The following ABCB7 variants were observed in gnomAD, a reference collection of about 807,000 sequenced individuals.
ABCB7 encodes ATP binding cassette subfamily B member 7.
Under a neutral mutation model 54.4 loss-of-function variants are expected in ABCB7, and 7 were observed. That is an observed-to-expected ratio of 0.13 (90% CI 0.07 to 0.24). The LOEUF (loss-of-function observed/expected upper bound fraction) is 0.24. Ranked by LOEUF, ABCB7 falls within the 10% of genes least tolerant of loss-of-function variation. The pLI, the probability that ABCB7 is intolerant of heterozygous loss-of-function variation, is 1.00. For synonymous variants in ABCB7, 218 were observed against 207.1 expected (o/e 1.05, Z -0.45); for missense variants, 356 against 570.4 (o/e 0.62, Z 3.83).
chrX:75,155,800 C>A (rs2082170730), intron 1 of ABCB7, among the ~76,000 whole-genome samples: 1 of 111,127 alleles, frequency 9.0e-6, no homozygotes, highest in Admixed American at 9.5e-5. Flanking sequence ...GAAAGGCAAG[C>A]AGGCTGGGAA....
At chrX:75,141,219 A>G (rs2082050768) in intron 1 of ABCB7, among the ~76,000 whole-genome samples, 1 of 112,042 alleles carries the variant, frequency 8.9e-6, no homozygotes, top group Non-Finnish European at 1.9e-5. Flanking sequence ...AGAATAGACA[A>G]TAATTGGGCT....
Position 75,086,072 on chromosome X carries a change from C to T in ABCB7, c.454-9418G>A, listed in dbSNP as rs763970056. On this transcript the variant is annotated intron_variant, in intron 4 of 15. Coordinates refer to ENST00000373394, the MANE Select transcript of ABCB7 (RefSeq NM_001271696.3). ...ATGTTGGCCAGGAAGGTCTCAAACT[C>T]CTGGCCTCAAGTGATCTGCCTGCCT... is the stretch of plus-strand genomic sequence containing the variant. Among the ~76,000 whole-genome samples the T allele has an allele frequency of 1.4e-4, 15 of 110,659 alleles. No homozygotes were observed. In the South Asian group the frequency reaches 5.9e-3, roughly 43 times the overall value.
chrX:75,094,597 CA>C (rs2081575351), intron 4 of ABCB7, among the ~76,000 whole-genome samples: 1 of 110,910 alleles, frequency 9.0e-6, no homozygotes, highest in Non-Finnish European at 1.9e-5. Flanking sequence ...CCTGTAATCC[CA>C]GCTACTCAGG....
chrX:75,141,251 C>T (rs139812516), intron 1 of ABCB7, among the ~76,000 whole-genome samples: 1,991 of 111,438 alleles, frequency 0.018, 47 homozygotes, highest in African/African-American at 0.061. Context: ...TTTACTGTAA[C>T]GTATTTCAGC....
chrX:75,135,372 C>A (rs1212143234), intron 1 of ABCB7, among the ~76,000 whole-genome samples: 1 of 111,188 alleles, frequency 9.0e-6, no homozygotes, highest in Non-Finnish European at 1.9e-5. Flanking sequence ...CAGACAGATT[C>A]ACAGCCAAAT....
At chrX:75,076,493 C>T (rs1358352787) in intron 5 of ABCB7, 29 bp downstream of exon 5, 4 of 1,206,472 alleles carry the variant, frequency 3.3e-6, no homozygotes, top group Admixed American at 2.2e-5. Context: ...AAGTCAACAC[C>T]TGTAGACAGA....
At chrX:75,130,360 A>G (rs1327398587) in intron 1 of ABCB7, among the ~76,000 whole-genome samples, 1 of 112,271 alleles carries the variant, frequency 8.9e-6, no homozygotes, top group Non-Finnish European at 1.9e-5. Flanking sequence ...AGAACTCTGG[A>G]ATCTAATGAA....
chrX:75,124,045 C>G (rs971930182), intron 1 of ABCB7, among the ~76,000 whole-genome samples: 4 of 112,269 alleles, frequency 3.6e-5, no homozygotes, highest in African/African-American at 1.3e-4. Context: ...ATTCTTAGCA[C>G]AGGAGCCTTG....
In ABCB7 at chrX:75,134,844, T is replaced by TA. The variant is rs763327874; in HGVS notation, c.169-20014dup. On this transcript the variant is annotated intron_variant, in intron 1 of 15. Transcript: ENST00000373394. ...CTAACGCAGTGTTATGATGAAAACT[T>TA]AGAGTGCTAAATGCCCACATCAAAA... is the stretch of plus-strand genomic sequence containing the variant. Among the ~76,000 whole-genome samples, 13 of 111,639 alleles carry TA rather than the reference T, an allele frequency of 1.2e-4. No homozygotes were observed. The East Asian group carries it at 3.1e-3, about 27-fold the overall frequency.
intron 3 of ABCB7, among the ~76,000 whole-genome samples, chrX:75,106,567 G>T (rs1052040978): frequency 8.9e-6 from 1 of 111,808 alleles, no homozygotes; most frequent in African/African-American, 3.3e-5. Context: ...TAGTACAACC[G>T]CTATGGAAAA....
At chrX:75,137,756 A>G (rs2082020880) in intron 1 of ABCB7, among the ~76,000 whole-genome samples, 1 of 112,134 alleles carries the variant, frequency 8.9e-6, no homozygotes, top group African/African-American at 3.2e-5. Context: ...CATTATCCTA[A>G]GCTAACAGAC....
chrX:75,153,795 A>G (rs770771188), intron 1 of ABCB7, among the ~76,000 whole-genome samples: 70 of 99,836 alleles, frequency 7.0e-4, no homozygotes, highest in Non-Finnish European at 5.8e-4. Flanking sequence ...GTGTGTGTGT[A>G]TATACACATA....
chrX:75,083,866 T>C (rs149115141), intron 4 of ABCB7, among the ~76,000 whole-genome samples: 1,732 of 111,189 alleles, frequency 0.016, 35 homozygotes, highest in African/African-American at 0.054. Flanking sequence ...CATGTACCAA[T>C]TTCCAGAACC....
At chrX:75,135,707 A>C (rs1355120369) in intron 1 of ABCB7, among the ~76,000 whole-genome samples, 4 of 112,071 alleles carry the variant, frequency 3.6e-5, no homozygotes, top group Non-Finnish European at 5.6e-5. Flanking sequence ...TCATCACCAG[A>C]AACAGAACTA....
chrX:75,094,054 CTA>C (rs57297288), intron 4 of ABCB7, among the ~76,000 whole-genome samples: 4 of 17,773 alleles, frequency 2.3e-4, no homozygotes, highest in Non-Finnish European at 7.0e-4. Flanking sequence ...ATATATATAT[CTA>C]TCTTATTATT....
Position 75,072,623 on chromosome X carries a change from A to G in ABCB7, c.1033-940T>C, listed in dbSNP as rs1348048471. 4.5e-5 allele frequency among the ~76,000 whole-genome samples: 5 copies of G among 111,709 alleles called. No homozygotes were observed. In the East Asian group the frequency reaches 1.4e-3, roughly 32 times the overall value. The stretch of plus-strand genomic sequence containing the variant: ...ACTTATCAGCAATGGATCCTGCAGG[A>G]CTGAAAATGGCTCTAGGTGAGTCAG... On this transcript the variant is annotated intron_variant, in intron 8 of 15. Transcript: ENST00000373394.
At chrX:75,078,632 C>G (rs1167253025) in intron 4 of ABCB7, among the ~76,000 whole-genome samples, 3 of 111,660 alleles carry the variant, frequency 2.7e-5, no homozygotes, top group Non-Finnish European at 5.7e-5. Context: ...AAAAATTTTA[C>G]AAAATAGATT....
chrX:75,098,950 C>T lies in ABCB7; in HGVS notation c.445G>A (p.Gly149Ser), dbSNP rs1262445647. The change falls in exon 4 of 16, where the codon GGT (glycine) becomes AGT (serine). Residue 149 changes from glycine (G) to serine (S), a missense_variant. Transcript: ENST00000373394. ...AATGCATAATTTCTTACCTTTGCAC[C>T]ACCCAAAAATCCCAGCGAAATGGCA... The part of the protein sequence containing the change: ...RVAISLGFLG[G>S]AKAMNIVVPF... The T allele has an allele frequency of 8.3e-7, 1 of 1,209,488 alleles. No individual in the cohort carries two copies.
At chrX:75,139,818 A>C (rs1222789155) in intron 1 of ABCB7, among the ~76,000 whole-genome samples, 1 of 111,953 alleles carries the variant, frequency 8.9e-6, no homozygotes, top group Non-Finnish European at 1.9e-5. Flanking sequence ...TTAATCTGTA[A>C]GTGTATAATC....
Sources: allele counts gnomAD v4.1 joint callset (sites outside exome capture counted in the v4.1 genomes callset), GRCh38; gene constraint gnomAD v4.1.1; transcripts MANE v1.5; gene names NCBI Gene and HGNC (gene_info 2026-07-23, HGNC 2026-07-21).